Variants in TMEM273 observed in about 807,000 individuals in gnomAD.
TMEM273 encodes transmembrane protein 273.
TMEM273 carries 19 observed loss-of-function variants against 17.9 expected under a neutral mutation model. The ratio of observed to expected loss-of-function variants is 1.06; its 90% confidence interval spans 0.74 to 1.55. The LOEUF (loss-of-function observed/expected upper bound fraction) is 1.55. TMEM273 is among the 40% of genes most tolerant of loss of function. The pLI, the probability that TMEM273 is intolerant of heterozygous loss-of-function variation, is 0.00. For missense variants in TMEM273, 194 were observed against 155.6 expected (o/e 1.25, Z -1.31); for synonymous variants, 66 against 62.0 (o/e 1.07, Z -0.31).
intron 3 of TMEM273, chr10:49,166,522 T>C (rs981401628): frequency 3.6e-5 from 11 of 303,864 alleles, no homozygotes; most frequent in African/African-American, 2.2e-4. Flanking sequence ...TGAAGCCAAT[T>C]TTAGTTCCTC....
At chr10:49,167,739 C>A (rs932031610) in intron 2 of TMEM273, among the ~76,000 whole-genome samples, 170 bp downstream of exon 2, 1 of 152,192 alleles carries the variant, frequency 6.6e-6, no homozygotes, top group Non-Finnish European at 1.5e-5. Context: ...AGGCCTTTCC[C>A]CCGAAATAAA....
chr10:49,165,937 T>C lies in TMEM273; in HGVS notation c.239-141A>G, dbSNP rs147342689. 155 of 1,044,500 alleles carry C rather than the reference T, an allele frequency of 1.5e-4. No homozygotes were observed. In the African/African-American group the frequency reaches 2.2e-3, roughly 15 times the overall value. The allele number at this position is 1,044,500 out of a possible 1,614,324, so 64.7% of individuals were successfully genotyped here. ...GACCCGGGGCCTGGCTGCTATGTGA[T>C]GAAGAGGCTGTTTCCTCCCCTTATT... On this transcript the variant is annotated intron_variant, in intron 3 of 6. Transcript: ENST00000374153.
chr10:49,171,390 G>A (rs952682838), intron 1 of TMEM273, among the ~76,000 whole-genome samples: 3 of 152,256 alleles, frequency 2.0e-5, no homozygotes, highest in African/African-American at 7.2e-5. Context: ...CAGAGGACTT[G>A]CTGAGATGCG....
At chr10:49,158,172 T>C (rs916464878) in intron 6 of TMEM273, among the ~76,000 whole-genome samples, 1 of 152,056 alleles carries the variant, frequency 6.6e-6, no homozygotes, top group African/African-American at 2.4e-5. Flanking sequence ...ACACACAAAA[T>C]CAGATAATTT....
intron 1 of TMEM273, among the ~76,000 whole-genome samples, chr10:49,174,243 G>GCCCTGC (rs1490789918): frequency 2.0e-5 from 3 of 152,210 alleles, no homozygotes; most frequent in Non-Finnish European, 4.4e-5. Flanking sequence ...GTGCTGGCGG[G>GCCCTGC]CCCTGCCCCT....
At chr10:49,176,008 G>T (rs564245715) in intron 1 of TMEM273, among the ~76,000 whole-genome samples, 1 of 152,322 alleles carries the variant, frequency 6.6e-6, no homozygotes, top group Non-Finnish European at 1.5e-5. Context: ...GGGTGGGAGG[G>T]AAGGGTATTT....
At chr10:49,158,769 G>A (rs1406876950) in intron 6 of TMEM273, among the ~76,000 whole-genome samples, 3 of 152,132 alleles carry the variant, frequency 2.0e-5, no homozygotes, top group African/African-American at 4.8e-5. Context: ...AAATAGTATC[G>A]GAATAATTCA....
At chr10:49,160,500 A>G (rs763227427) in intron 6 of TMEM273, 1 of 152,230 alleles carries the variant, frequency 6.6e-6, no homozygotes, top group Non-Finnish European at 1.5e-5. Flanking sequence ...CAATACTGAA[A>G]GAGACTTAAA....
intron 3 of TMEM273, among the ~76,000 whole-genome samples, chr10:49,166,250 T>A (rs537777350): frequency 6.7e-6 from 1 of 149,420 alleles, no homozygotes; most frequent in African/African-American, 2.6e-5. Context: ...GGGATGCAAA[T>A]CAATACTGCA....
chr10:49,158,592 C>A (rs1384349632), intron 6 of TMEM273, among the ~76,000 whole-genome samples: 1 of 152,172 alleles, frequency 6.6e-6, no homozygotes, highest in African/African-American at 2.4e-5. Context: ...GAAGGTAGAG[C>A]ACACCAGGAA....
chr10:49,175,111 C>G (rs1200364851), intron 1 of TMEM273, among the ~76,000 whole-genome samples: 2 of 151,908 alleles, frequency 1.3e-5, no homozygotes, highest in African/African-American at 4.8e-5. Context: ...GGAATGTGAC[C>G]AGGCAGAGGA....
At chr10:49,156,451 T>C (rs1459144349) in intron 6 of TMEM273, among the ~76,000 whole-genome samples, 7 of 152,128 alleles carry the variant, frequency 4.6e-5, no homozygotes, top group African/African-American at 1.7e-4. Context: ...CAAACCAGAC[T>C]CAGAAACAAT....
chr10:49,166,181 A>G (rs960089490), intron 3 of TMEM273, among the ~76,000 whole-genome samples: 1 of 152,192 alleles, frequency 6.6e-6, no homozygotes, highest in African/African-American at 2.4e-5. Flanking sequence ...CTGCACCGTC[A>G]TTGCAGTGAG....
At position 49,166,251 on chromosome 10, in the gene TMEM273, CAATA is replaced by C. The variant is rs1251158859; in HGVS notation, c.239-459_239-456del. Among the ~76,000 whole-genome samples, 1,403 of 152,298 alleles carry C rather than the reference CAATA, an allele frequency of 9.2e-3. 17 individuals carry two copies. Among genetic ancestry groups the C allele is most frequent in the African/African-American group, 0.032 (1,339 of 41,560 alleles). ...ATACCCTGAGAGAAGGGATGCAAAT[CAATA>C]CTGCACTTTGGGTGCCAAGGAGGCA... On this transcript the variant is annotated intron_variant, in intron 3 of 6. Coordinates refer to ENST00000374153, the MANE Select transcript of TMEM273 (RefSeq NM_001288740.3).
Position 49,165,775 on chromosome 10 carries a change from C to T in TMEM273, c.260G>A (p.Arg87Lys). The T allele has an allele frequency of 6.2e-7, 1 of 1,614,134 alleles. No homozygotes were observed. The highest frequency in any genetic ancestry group is 1.1e-5 in the South Asian group (1 of 91,088). Residue 87 changes from arginine (R) to lysine (K), a missense_variant, in exon 4 of 7, where the codon AGA (arginine) becomes AAA (lysine). Transcript: ENST00000374153. ...TGGGCAGTGACCTTACCTTGGGGCT[C>T]TCTTCTTTAGCGGGATGGTGTCTAA... ...GLSDTIPLKK[R>K]APRKLQASTL...
At chr10:49,169,987 C>T (rs1846450677) in intron 1 of TMEM273, among the ~76,000 whole-genome samples, 1 of 152,208 alleles carries the variant, frequency 6.6e-6, no homozygotes, top group Non-Finnish European at 1.5e-5. Flanking sequence ...GCCCCAGGCT[C>T]ACCCCACGCC....
chr10:49,160,347 AT>A (rs1393433802), intron 6 of TMEM273: 1 of 152,210 alleles, frequency 6.6e-6, no homozygotes, highest in African/African-American at 2.4e-5. Flanking sequence ...ACTTCATGGT[AT>A]TTCTGACCAA....
intron 1 of TMEM273, among the ~76,000 whole-genome samples, chr10:49,179,977 G>C (rs1212753978): frequency 6.6e-6 from 1 of 152,218 alleles, no homozygotes; most frequent in African/African-American, 2.4e-5. Context: ...TCACTGCTCA[G>C]TTATAAGGAG....
chr10:49,172,621 C>T (rs142087172), intron 1 of TMEM273, among the ~76,000 whole-genome samples: 2 of 152,312 alleles, frequency 1.3e-5, no homozygotes, highest in Non-Finnish European at 2.9e-5. Context: ...TATTTGGAAC[C>T]AGGAGATCTG....
Sources: allele counts gnomAD v4.1 joint callset (sites outside exome capture counted in the v4.1 genomes callset), GRCh38; gene constraint gnomAD v4.1.1; transcripts MANE v1.5; gene names NCBI Gene and HGNC (gene_info 2026-07-23, HGNC 2026-07-21).